The following POLB variants were observed in gnomAD, a reference collection of about 807,000 sequenced individuals.
POLB encodes the protein 5'-dRP lyase.
POLB carries 37 observed loss-of-function variants against 52.7 expected under a neutral mutation model. The observed-to-expected ratio is 0.70, with a 90% CI of 0.54 to 0.92. The LOEUF (loss-of-function observed/expected upper bound fraction) is 0.92. Among genes scored for constraint, POLB ranks in the 40% least tolerant of loss-of-function variants. The pLI, the probability that POLB is intolerant of heterozygous loss-of-function variation, is 0.00. For synonymous variants in POLB, 138 were observed against 131.3 expected (o/e 1.05, Z -0.35); for missense variants, 313 against 400.8 (o/e 0.78, Z 1.87).
chr8:42,354,944 G>C (rs1404723759), intron 6 of POLB, among the ~76,000 whole-genome samples: 1 of 152,152 alleles, frequency 6.6e-6, no homozygotes, highest in Non-Finnish European at 1.5e-5. Context: ...TAGTTAATCA[G>C]AAAACATTCA....
intron 6 of POLB, among the ~76,000 whole-genome samples, chr8:42,353,611 C>A (rs942510789): frequency 5.9e-5 from 9 of 152,098 alleles, no homozygotes; most frequent in Non-Finnish European, 8.8e-5. Flanking sequence ...TAATTTATCT[C>A]TTTATACTTT....
chr8:42,357,259 TGA>T (rs1491493884), intron 8 of POLB, 36 bp downstream of exon 8: 18 of 1,440,604 alleles, frequency 1.2e-5, no homozygotes, highest in African/African-American at 1.4e-5. Flanking sequence ...TGATTAGAAT[TGA>T]GAGTGTCACT....
intron 9 of POLB, 34 bp downstream of exon 9, chr8:42,357,426 C>T (rs758653180): frequency 1.7e-6 from 2 of 1,200,632 alleles, no homozygotes; most frequent in Admixed American, 3.6e-5. Flanking sequence ...TTATTTTTGC[C>T]CTGATGTTAA....
intron 11 of POLB, 40 bp from the exon 12 acceptor site, chr8:42,369,231 T>A (rs766199711): frequency 8.0e-7 from 1 of 1,245,668 alleles, no homozygotes; most frequent in Non-Finnish European, 1.2e-6. Context: ...AGCCTTAAGT[T>A]TAGAACATCT....
chr8:42,365,961 G>A (rs569728924), intron 11 of POLB, among the ~76,000 whole-genome samples: 11 of 152,170 alleles, frequency 7.2e-5, no homozygotes, highest in South Asian at 2.1e-4. Context: ...TTAGCTGGGC[G>A]TGGTGGCGGG....
At chr8:42,339,189 A>G (rs910387810) in intron 2 of POLB, 120 bp downstream of exon 2, 3 of 790,556 alleles carry the variant, frequency 3.8e-6, no homozygotes, top group Non-Finnish European at 6.7e-6. Flanking sequence ...GGAAAAAGCA[A>G]GAATCGAGGC....
chr8:42,362,579 T>C (rs938547115), intron 10 of POLB, 33 bp from the exon 11 acceptor site: 3 of 1,275,830 alleles, frequency 2.4e-6, no homozygotes, highest in Non-Finnish European at 3.4e-6. Flanking sequence ...AAGTAATTAC[T>C]CTTTTTCTTA....
chr8:42,350,737 T>A (rs1435093398), intron 5 of POLB, among the ~76,000 whole-genome samples: 1 of 152,198 alleles, frequency 6.6e-6, no homozygotes, highest in Non-Finnish European at 1.5e-5. Flanking sequence ...TAATGATTTG[T>A]TCTTTAAATG....
Position 42,369,847 on chromosome 8 carries a change from A to T in POLB, c.774-2A>T. The T allele has an allele frequency of 2.6e-6, 4 of 1,563,450 alleles. No individual in the cohort carries two copies. The highest frequency in any genetic ancestry group is 2.6e-6 in the Non-Finnish European group (3 of 1,156,988). On this transcript the variant is annotated splice_acceptor_variant, in intron 12 of 13. Transcript: ENST00000265421. LOFTEE classifies it high-confidence loss of function. ...AATGTATCTACTGTCCATTTTTTTT[A>T]GGTTGATACCCAAAGATCAGTATTA... is the stretch of plus-strand genomic sequence containing the variant.
At chr8:42,366,255 C>T (rs1276890107) in intron 11 of POLB, among the ~76,000 whole-genome samples, 1 of 152,156 alleles carries the variant, frequency 6.6e-6, no homozygotes, top group African/African-American at 2.4e-5. Flanking sequence ...AGGCCACTCA[C>T]CCATCCTAGG....
At chr8:42,363,926 CTTTT>C (rs766603558) in intron 11 of POLB, among the ~76,000 whole-genome samples, 1 of 132,374 alleles carries the variant, frequency 7.6e-6, no homozygotes. Flanking sequence ...AATTACGATT[CTTTT>C]TTTTTTTTTT....
chr8:42,368,341 C>T (rs908382365), intron 11 of POLB, among the ~76,000 whole-genome samples: 37 of 152,186 alleles, frequency 2.4e-4, no homozygotes, highest in Non-Finnish European at 1.2e-4. Context: ...TTTCATTAAT[C>T]TTTCTTCCAT....
intron 3 of POLB, among the ~76,000 whole-genome samples, chr8:42,347,970 G>T (rs1449048445): frequency 6.6e-6 from 1 of 152,076 alleles, no homozygotes; most frequent in Non-Finnish European, 1.5e-5. Flanking sequence ...ATGAAAAAAA[G>T]TTCAATTTTA....
intron 4 of POLB, among the ~76,000 whole-genome samples, chr8:42,349,623 C>T (rs1294695396): frequency 2.6e-5 from 4 of 152,130 alleles, no homozygotes; most frequent in Non-Finnish European, 4.4e-5. Context: ...CTCCTGACCT[C>T]GTGATCTGCC....
chr8:42,361,541 T>TCGAAAAGG (rs1823688017), intron 10 of POLB, 176 bp downstream of exon 10: 20 of 596,806 alleles, frequency 3.4e-5, no homozygotes, highest in Non-Finnish European at 5.4e-5. Flanking sequence ...GGATACCTAT[T>TCGAAAAGG]ATTCTTCCAT....
intron 3 of POLB, among the ~76,000 whole-genome samples, chr8:42,346,007 C>T (rs938252236): frequency 2.6e-5 from 4 of 152,034 alleles, no homozygotes; most frequent in African/African-American, 7.2e-5. Context: ...CTGCAGCCTC[C>T]GCCTCCAGGG....
At chr8:42,338,907 C>T in intron 1 of POLB, 105 bp from the exon 2 acceptor site, 1 of 1,060,326 alleles carries the variant, frequency 9.4e-7, no homozygotes, top group South Asian at 1.3e-5. Context: ...TTGGAGGAAA[C>T]GGGTGGTCAC....
In POLB at chr8:42,345,709, C is replaced by T. The variant is rs552787223; in HGVS notation, c.186+690C>T. On this transcript the variant is annotated intron_variant, in intron 3 of 13. Transcript: ENST00000265421. ...TTTCCTTTTGAGTGTCATGTCAGCA[C>T]TCAAAATGCTTCAGATTTTGGACAT... Among the ~76,000 whole-genome samples, 18 of 152,188 alleles carry T rather than the reference C, an allele frequency of 1.2e-4. No homozygotes were observed. In the South Asian group the frequency reaches 1.7e-3, roughly 14 times the overall value.
intron 11 of POLB, 48 bp from the exon 12 acceptor site, chr8:42,369,223 C>T (rs954923067): frequency 3.6e-6 from 4 of 1,098,690 alleles, no homozygotes; most frequent in South Asian, 1.3e-5. Flanking sequence ...TAAAATTAAG[C>T]CTTAAGTTTA....
Sources: allele counts gnomAD v4.1 joint callset (sites outside exome capture counted in the v4.1 genomes callset), GRCh38; gene constraint gnomAD v4.1.1; transcripts MANE v1.5; gene names NCBI Gene and HGNC (gene_info 2026-07-23, HGNC 2026-07-21).